Variants in PADI6 observed in about 807,000 individuals in gnomAD.
PADI6 encodes the protein peptidyl arginine deiminase 6, also known as inactive protein-arginine deiminase type-6.
In PADI6, 66 loss-of-function variants were observed where a neutral mutation model predicts 78.2. That is an observed-to-expected ratio of 0.84 (90% CI 0.69 to 1.04). The LOEUF (loss-of-function observed/expected upper bound fraction) is 1.04, where lower values mean the gene tolerates loss of function less well. PADI6 is among the 50% of genes least tolerant of loss of function. The probability of loss-of-function intolerance (pLI) is 0.00; values close to 1 mark genes in which losing one functional copy is unlikely to be tolerated. For missense variants in PADI6, 854 were observed against 866.1 expected (o/e 0.99, Z 0.18); for synonymous variants, 397 against 346.9 (o/e 1.14, Z -1.60).
Position 17,397,094 on chromosome 1 carries a change from C to G in PADI6, c.1642C>G (p.Gln548Glu), listed in dbSNP as rs376628467. 1 of 1,613,932 alleles carries G rather than the reference C, an allele frequency of 6.2e-7. No individual in the cohort carries two copies. Among genetic ancestry groups the G allele is most frequent in the South Asian group, 1.1e-5 (1 of 91,046 alleles). ...AGGAAGGGAAGCCAAAACCATCGAC[C>G]AACTTCTGGCTGATGAAAGCCTGAA... ...SNGREAKTID[Q>E]LLADESLKKQ... The change falls in exon 14 of 16, where the codon CAA becomes GAA. Residue 548 changes from glutamine (Q) to glutamate (E), a missense_variant. Transcript: ENST00000619609.
At chr1:17,397,216 C>G (rs1056497221) in intron 14 of PADI6, 75 bp downstream of exon 14, 118 of 1,536,966 alleles carry the variant, frequency 7.7e-5, no homozygotes, top group Non-Finnish European at 9.8e-5. Context: ...TTTCCACCCA[C>G]CCCTCCTGAG....
At chr1:17,399,530 G>A (rs1203630230) in intron 15 of PADI6, among the ~76,000 whole-genome samples, 1 of 152,036 alleles carries the variant, frequency 6.6e-6, no homozygotes, top group Non-Finnish European at 1.5e-5. Flanking sequence ...CGGAGACAGA[G>A]GTTGCATTGA....
rs757659463 is a variant in PADI6 at position 17,401,426 on chromosome 1, G to T, written c.2073G>T (p.Lys691Asn). The T allele has an allele frequency of 1.2e-5, 19 of 1,613,794 alleles. No homozygotes were observed. The highest frequency in any genetic ancestry group is 1.5e-5 in the Non-Finnish European group (18 of 1,179,852). The part of the protein sequence containing the change: ...RRVPFAFKWW[K>N]MVP ...TGCCCTTTGCCTTCAAATGGTGGAA[G>T]ATGGTACCTTAGACCCAGGCCCTGG... The change falls in exon 16 of 16, where the codon AAG becomes AAT. Residue 691 changes from lysine (K) to asparagine (N), a missense_variant. Physicochemically the swap from Lys to Asn is moderately conservative, Grantham distance 94. Transcript: ENST00000619609.
chr1:17,389,353 G>A (rs2762895), intron 8 of PADI6, among the ~76,000 whole-genome samples: 45,397 of 151,982 alleles, frequency 0.3, 7,112 homozygotes, highest in Middle Eastern at 0.41. Flanking sequence ...TCTGTCACCT[G>A]GATGCCTGCA....
chr1:17,376,564 A>G (rs2075019609), intron 3 of PADI6, among the ~76,000 whole-genome samples: 1 of 147,246 alleles, frequency 6.8e-6, no homozygotes, highest in African/African-American at 2.5e-5. Context: ...TAGTGGGCTA[A>G]TTTTTTTGTA....
rs1241954295 is a variant in PADI6 at position 17,392,237 on chromosome 1, C to T, written c.1074+12C>T. On this transcript the variant is annotated intron_variant, in intron 9 of 15. Coordinates refer to ENST00000619609, the MANE Select transcript of PADI6 (RefSeq NM_207421.4). The stretch of plus-strand genomic sequence containing the variant: ...GCAGGTGGCTCCAGGTAACACCCCA[C>T]CTGGGAACCCACCTGTCGGGGAGGG... The T allele has an allele frequency of 3.2e-6, 5 of 1,543,360 alleles. No homozygotes were observed. Among genetic ancestry groups the T allele is most frequent in the Non-Finnish European group, 4.4e-6 (5 of 1,139,378 alleles).
rs541130776 is a variant in PADI6 at position 17,379,551 on chromosome 1, G to A, written c.368-369G>A. On this transcript the variant is annotated intron_variant, in intron 3 of 15. Transcript: ENST00000619609. The stretch of plus-strand genomic sequence containing the variant: ...ATTATAGGAGTGAGCCACTGTGCCC[G>A]GCCATATTAAGCCTTTCCTATGTCT... Among the ~76,000 whole-genome samples the A allele has an allele frequency of 4.2e-4, 64 of 152,260 alleles. 1 individual carries two copies. In the South Asian group the frequency reaches 0.013, roughly 31 times the overall value.
At chr1:17,396,994 C>A in intron 13 of PADI6, 77 bp from the exon 14 acceptor site, 3 of 1,454,750 alleles carry the variant, frequency 2.1e-6, no homozygotes, top group Non-Finnish European at 1.9e-6. Context: ...GTGGCTGGGC[C>A]TGGCCCGAGT....
chr1:17,392,320 T>A, intron 9 of PADI6, 95 bp downstream of exon 9: 1 of 929,404 alleles, frequency 1.1e-6, no homozygotes, highest in Non-Finnish European at 1.6e-6. Context: ...TGGTTAACCT[T>A]AAAGACCGAA....
rs764639918 is a variant in PADI6 at position 17,372,265 on chromosome 1, G to C, written c.20G>C (p.Arg7Pro). The C allele has an allele frequency of 6.2e-7, 1 of 1,613,952 alleles. No individual in the cohort carries two copies. Among genetic ancestry groups the C allele is most frequent in the African/African-American group, 1.3e-5 (1 of 75,046 alleles). The change falls in exon 1 of 16, where the codon CGA (arginine) becomes CCA (proline). Residue 7 changes from arginine to proline, a missense_variant. Physicochemically the swap from Arg to Pro is moderately radical, Grantham distance 103. Transcript: ENST00000619609. MVSVEG[R>P]AMSFQSIIHL... is the part of the protein sequence containing the mutation. ...CTGAGGATGGTCAGCGTGGAGGGCC[G>C]AGCCATGTCCTTCCAGAGTATCATC...
At position 17,383,358 on chromosome 1, in the gene PADI6, C is replaced by A. The variant is rs553385466; in HGVS notation, c.679+1266C>A. ...TGGACGTGGCCATCTTACACATGAG[C>A]TAGAGTGAGCCGAAGAAACCCAGGG... On this transcript the variant is annotated intron_variant, in intron 6 of 15. Transcript: ENST00000619609. 8.6e-4 allele frequency among the ~76,000 whole-genome samples: 131 copies of A among 152,290 alleles called. 2 individuals are homozygous for A. The highest frequency in any genetic ancestry group is 3.0e-3 in the African/African-American group (125 of 41,564).
rs767518278 is a variant in PADI6, at chr1:17,373,205, C to T, written c.266C>T (p.Ser89Leu). The T allele has an allele frequency of 1.6e-5, 26 of 1,613,834 alleles. No individual in the cohort carries two copies. The South Asian group carries it at 1.6e-4, about 10-fold the overall frequency. The part of the protein sequence containing the change: ...DPTYATVKMT[S>L]PSPSVDADKV... ...ACGTACGCCACAGTGAAGATGACAT[C>T]GCCCAGCCCTTCCGTGGATGCGGAT... The change falls in exon 2 of 16, where the codon TCG becomes TTG. Residue 89 changes from serine (S) to leucine (L), a missense_variant. Transcript: ENST00000619609.
At chr1:17,397,301 G>A (rs574614454) in intron 14 of PADI6, among the ~76,000 whole-genome samples, 160 bp downstream of exon 14, 2 of 145,704 alleles carry the variant, frequency 1.4e-5, no homozygotes, top group East Asian at 3.9e-4. Context: ...CCCAGGTCTG[G>A]GGCTAGAGCT....
intron 8 of PADI6, among the ~76,000 whole-genome samples, chr1:17,391,240 G>C (rs2075180715): frequency 2.0e-5 from 3 of 152,096 alleles, no homozygotes; most frequent in Admixed American, 6.5e-5. Flanking sequence ...TTCTTTTTGA[G>C]ATGGAGTCTC....
intron 5 of PADI6, 21 bp from the exon 6 acceptor site, chr1:17,381,946 T>C: frequency 6.2e-7 from 1 of 1,613,174 alleles, no homozygotes; most frequent in South Asian, 1.1e-5. Context: ...TTCCTTAACC[T>C]TTGCTTTGTC....
intron 5 of PADI6, 31 bp downstream of exon 5, chr1:17,381,195 T>C (rs190011973): frequency 2.2e-4 from 342 of 1,535,284 alleles, no homozygotes; most frequent in Non-Finnish European, 1.9e-4. Context: ...TGCCTTTCCT[T>C]CTTGGTCTCT....
intron 6 of PADI6, among the ~76,000 whole-genome samples, chr1:17,383,642 G>A (rs1365817546): frequency 6.6e-6 from 1 of 152,214 alleles, no homozygotes; most frequent in Non-Finnish European, 1.5e-5. Flanking sequence ...GAGGTCAGGA[G>A]TTCGAGAACA....
intron 6 of PADI6, 136 bp downstream of exon 6, chr1:17,382,228 C>G: frequency 8.6e-7 from 1 of 1,162,230 alleles, no homozygotes; most frequent in Non-Finnish European, 1.2e-6. Flanking sequence ...GCTGTTGTGG[C>G]TGTACTTGTG....
intron 14 of PADI6, 96 bp from the exon 15 acceptor site, chr1:17,398,590 A>C: frequency 1.3e-6 from 1 of 748,536 alleles, no homozygotes; most frequent in South Asian, 1.7e-5. Flanking sequence ...GTGTCAGGCC[A>C]TCACCTACCT....
Sources: allele counts gnomAD v4.1 joint callset (sites outside exome capture counted in the v4.1 genomes callset), GRCh38; gene constraint gnomAD v4.1.1; transcripts MANE v1.5; gene names NCBI Gene and HGNC (gene_info 2026-07-23, HGNC 2026-07-21).